LVRN: variants seen among roughly 807,000 people sequenced by gnomAD.
The protein encoded by LVRN is aminopeptidase Q.
In LVRN, 99 loss-of-function variants were observed where a neutral mutation model predicts 111.4. That is an observed-to-expected ratio of 0.89 (90% CI 0.76 to 1.05). LVRN has a LOEUF of 1.05. LVRN is among the 50% of genes least tolerant of loss of function. The pLI is 0.00. For synonymous variants in LVRN, 488 were observed against 449.5 expected (o/e 1.09, Z -1.08); for missense variants, 1,414 against 1,206.8 (o/e 1.17, Z -2.54).
chr5:116,024,628 G>T (rs12518968), intron 19 of LVRN, among the ~76,000 whole-genome samples: 6,111 of 152,170 alleles, frequency 0.04, 375 homozygotes, highest in East Asian at 0.21. Context: ...AAATTCGTTA[G>T]TTCAATCTTT....
intron 14 of LVRN, among the ~76,000 whole-genome samples, chr5:116,011,112 G>A (rs1362577106): frequency 8.4e-6 from 1 of 119,316 alleles, no homozygotes; most frequent in Non-Finnish European, 1.8e-5. Flanking sequence ...AGATGAGTGA[G>A]GTTTGGAAGG....
chr5:115,971,353 A>G (rs74752691), intron 1 of LVRN, among the ~76,000 whole-genome samples: 97 of 152,296 alleles, frequency 6.4e-4, no homozygotes, highest in African/African-American at 2.2e-3. Flanking sequence ...CAGTTTATCA[A>G]TGTTTCCTTA....
chr5:115,985,051 A>G (rs917042299), intron 3 of LVRN, among the ~76,000 whole-genome samples: 1 of 152,124 alleles, frequency 6.6e-6, no homozygotes, highest in African/African-American at 2.4e-5. Flanking sequence ...TTAGTATGTG[A>G]TGTGTACTTA....
At chr5:116,010,971 G>T (rs1247712372) in intron 14 of LVRN, 77 bp downstream of exon 14, 2 of 1,079,810 alleles carry the variant, frequency 1.9e-6, no homozygotes, top group Non-Finnish European at 2.4e-6. Context: ...GCATCTGTGA[G>T]ACAGGTCTTT....
intron 18 of LVRN, 36 bp from the exon 19 acceptor site, chr5:116,022,355 C>T (rs1435918003): frequency 6.7e-7 from 1 of 1,485,874 alleles, no homozygotes; most frequent in East Asian, 2.3e-5. Flanking sequence ...TTGCAAAATG[C>T]TTTCCACCCT....
intron 13 of LVRN, among the ~76,000 whole-genome samples, chr5:116,008,909 A>G (rs1748432241): frequency 6.6e-6 from 1 of 152,226 alleles, no homozygotes; most frequent in Non-Finnish European, 1.5e-5. Context: ...AGATCTAGCT[A>G]AGATAATTGT....
intron 4 of LVRN, among the ~76,000 whole-genome samples, chr5:115,989,580 T>C (rs1264038240): frequency 1.3e-5 from 2 of 152,200 alleles, no homozygotes; most frequent in Non-Finnish European, 2.9e-5. Context: ...TCTTTTTCTT[T>C]GTGCCTCTAG....
chr5:116,013,359 G>A (rs1748530121), intron 15 of LVRN, among the ~76,000 whole-genome samples: 1 of 152,126 alleles, frequency 6.6e-6, no homozygotes, highest in South Asian at 2.1e-4. Context: ...ATGAATGAGT[G>A]GGAAGGCAAA....
chr5:115,987,451 T>C (rs17404422), intron 3 of LVRN, among the ~76,000 whole-genome samples: 1,812 of 152,258 alleles, frequency 0.012, 9 homozygotes, highest in Middle Eastern at 0.02. Flanking sequence ...TTTGGATCAT[T>C]AGTAATATAT....
At chr5:116,008,424 G>A (rs1748421617) in intron 13 of LVRN, among the ~76,000 whole-genome samples, 1 of 152,070 alleles carries the variant, frequency 6.6e-6, no homozygotes, top group Non-Finnish European at 1.5e-5. Context: ...GTGAAAGGGG[G>A]AGTCCTGAAT....
chr5:115,976,932 C>T (rs1397867117), intron 1 of LVRN, among the ~76,000 whole-genome samples: 1 of 152,116 alleles, frequency 6.6e-6, no homozygotes, highest in Non-Finnish European at 1.5e-5. Flanking sequence ...GAAGCCTTTA[C>T]TCTAGGGCTA....
intron 19 of LVRN, among the ~76,000 whole-genome samples, chr5:116,025,637 T>TG (rs938043198): frequency 2.0e-5 from 3 of 152,118 alleles, no homozygotes; most frequent in East Asian, 1.9e-4. Context: ...TTTAAAAAAT[T>TG]GGGGGGGTTC....
Position 116,022,608 on chromosome 5 carries a change from G to A in LVRN, c.2832+142G>A, listed in dbSNP as rs139178596. On this transcript the variant is annotated intron_variant, in intron 19 of 19. Transcript: ENST00000357872. ...CTATTGGTGCTGTATCACTGTGAAA[G>A]AAGTGTTTTTAATTGTATCCTCCTC... is the stretch of plus-strand genomic sequence containing the variant. 4.5e-4 allele frequency: 279 copies of A among 617,708 alleles called. No homozygotes were observed. In the African/African-American group the frequency reaches 5.0e-3, roughly 11 times the overall value. The allele number at this position is 617,708 out of a possible 1,614,324, so 38.3% of individuals were successfully genotyped here. A position where few individuals can be genotyped will look rare whatever the true frequency, so the allele number is the denominator to read the frequency against.
chr5:116,024,188 T>C (rs1748815102), intron 19 of LVRN, among the ~76,000 whole-genome samples: 1 of 152,194 alleles, frequency 6.6e-6, no homozygotes, highest in Non-Finnish European at 1.5e-5. Context: ...CAAAATTCAT[T>C]GACTTTTACA....
intron 1 of LVRN, among the ~76,000 whole-genome samples, chr5:115,964,294 G>A (rs1483834950): frequency 6.6e-6 from 1 of 152,140 alleles, no homozygotes; most frequent in South Asian, 2.1e-4. Flanking sequence ...TGTTCTCTGA[G>A]GGAAAGAATC....
At chr5:115,968,401 T>G (rs1159928700) in intron 1 of LVRN, among the ~76,000 whole-genome samples, 1 of 151,870 alleles carries the variant, frequency 6.6e-6, no homozygotes, top group Non-Finnish European at 1.5e-5. Context: ...TATTGATTGA[T>G]TTTTGAAAAT....
intron 13 of LVRN, among the ~76,000 whole-genome samples, chr5:116,009,139 C>G (rs540134775): frequency 7.2e-5 from 11 of 152,140 alleles, no homozygotes; most frequent in Non-Finnish European, 1.6e-4. Flanking sequence ...GGTCCTTAAA[C>G]ATTATGCTAA....
At chr5:115,975,583 CT>C (rs1280932263) in intron 1 of LVRN, 2 of 157,214 alleles carry the variant, frequency 1.3e-5, no homozygotes, top group Non-Finnish European at 2.8e-5. Context: ...TGGGCTACCC[CT>C]GTAAGATCTT....
intron 1 of LVRN, among the ~76,000 whole-genome samples, chr5:115,970,384 C>G (rs76488658): frequency 2.7e-4 from 36 of 133,846 alleles, no homozygotes; most frequent in African/African-American, 9.9e-4. Context: ...GAAATACATT[C>G]TTTTTTTTTT....
Sources: gnomAD v4.1 joint callset for allele counts (sites outside exome capture counted in the v4.1 genomes callset) on GRCh38, gnomAD v4.1.1 for gene constraint, MANE v1.5 for transcripts, NCBI Gene and HGNC (gene_info 2026-07-23, HGNC 2026-07-21) for gene names.